The following GALNT17 variants were observed in gnomAD, a reference collection of about 807,000 sequenced individuals.
GALNT17 encodes the protein UDP-GalNAc:polypeptide N-acetylgalactosaminyltransferase-like 3.
GALNT17 carries 29 observed loss-of-function variants against 63.7 expected under a neutral mutation model. That is an observed-to-expected ratio of 0.46 (90% CI 0.34 to 0.62). GALNT17 has a LOEUF of 0.62. GALNT17 is among the 20% of genes least tolerant of loss of function. The probability of loss-of-function intolerance (pLI) is 0.01; values close to 1 mark genes in which losing one functional copy is unlikely to be tolerated. For synonymous variants in GALNT17, 305 were observed against 318.3 expected (o/e 0.96, Z 0.45); for missense variants, 603 against 799.6 (o/e 0.75, Z 2.97).
At chr7:71,569,417 C>T (rs1354628954) in intron 5 of GALNT17, among the ~76,000 whole-genome samples, 1 of 152,154 alleles carries the variant, frequency 6.6e-6, no homozygotes, top group Non-Finnish European at 1.5e-5. Flanking sequence ...TTTTTCAACT[C>T]TCCCCTCTCC....
rs35082867 is a variant in GALNT17, at chr7:71,662,318, T to TTATCTATCTATCTATCTATC, written c.1081-3076_1081-3075insATCTATCTATCTATCTATCT. Among the ~76,000 whole-genome samples, 967 of 151,048 alleles carry TTATCTATCTATCTATCTATC rather than the reference T, an allele frequency of 6.4e-3. 17 individuals are homozygous for TTATCTATCTATCTATCTATC. Among genetic ancestry groups the TTATCTATCTATCTATCTATC allele is most frequent in the Admixed American group, 0.038 (575 of 15,118 alleles). ...AATCTACTTTCCCCCATCTCTCTGT[T>TTATCTATCTATCTATCTATC]TATCTATCTATCTATCTGTCTGTCT... On this transcript the variant is annotated intron_variant, in intron 6 of 10. Coordinates refer to ENST00000333538, the MANE Select transcript of GALNT17 (RefSeq NM_022479.3).
At chr7:71,628,896 CA>C (rs1584100217) in intron 6 of GALNT17, among the ~76,000 whole-genome samples, 12 of 152,172 alleles carry the variant, frequency 7.9e-5, no homozygotes, top group Admixed American at 5.9e-4. Flanking sequence ...CGTGCCACTG[CA>C]CCTCAGCCTG....
At chr7:71,563,659 G>T (rs1789292525) in intron 5 of GALNT17, among the ~76,000 whole-genome samples, 1 of 151,888 alleles carries the variant, frequency 6.6e-6, no homozygotes, top group African/African-American at 2.4e-5. Context: ...TGCAATTGCA[G>T]CCTCAACCTC....
At chr7:71,642,943 A>G (rs958808806) in intron 6 of GALNT17, among the ~76,000 whole-genome samples, 1 of 152,208 alleles carries the variant, frequency 6.6e-6, no homozygotes, top group Non-Finnish European at 1.5e-5. Context: ...CGGAAAATGT[A>G]TGAAGAACAG....
chr7:71,355,850 G>C (rs1792274810), intron 2 of GALNT17, among the ~76,000 whole-genome samples: 1 of 152,012 alleles, frequency 6.6e-6, no homozygotes, highest in Non-Finnish European at 1.5e-5. Context: ...TTTTACAACT[G>C]TTCCCCTGAG....
chr7:71,572,260 C>T (rs1026332447), intron 6 of GALNT17, among the ~76,000 whole-genome samples: 5 of 148,996 alleles, frequency 3.4e-5, no homozygotes, highest in South Asian at 2.2e-4. Context: ...CCAGGGACTT[C>T]GGAAACCAAA....
intron 3 of GALNT17, among the ~76,000 whole-genome samples, chr7:71,402,429 C>T (rs553735135): frequency 6.6e-6 from 1 of 152,352 alleles, no homozygotes; most frequent in Admixed American, 6.5e-5. Context: ...TTCAATTGCA[C>T]ATGTGCAGAG....
intron 1 of GALNT17, among the ~76,000 whole-genome samples, chr7:71,142,665 G>A (rs1279255558): frequency 6.6e-6 from 1 of 152,232 alleles, no homozygotes; most frequent in Admixed American, 6.5e-5. Context: ...GACTGGCTGG[G>A]TGCGGTGGCT....
chr7:71,693,309 C>CTGT (rs1791489196), intron 9 of GALNT17, among the ~76,000 whole-genome samples: 1 of 124,166 alleles, frequency 8.1e-6, no homozygotes, highest in African/African-American at 2.9e-5. Context: ...CACACACACA[C>CTGT]ATATATATAT....
intron 8 of GALNT17, among the ~76,000 whole-genome samples, chr7:71,671,535 G>C (rs1342628347): frequency 6.6e-6 from 1 of 152,156 alleles, no homozygotes; most frequent in Non-Finnish European, 1.5e-5. Context: ...ATCTTGCAAG[G>C]GCAGTCTCTA....
intron 6 of GALNT17, among the ~76,000 whole-genome samples, chr7:71,583,751 A>G (rs1319325092): frequency 1.4e-3 from 3 of 2,194 alleles, no homozygotes; most frequent in Admixed American, 0.015. Flanking sequence ...ACACACACAC[A>G]CACACACACC....
intron 1 of GALNT17, among the ~76,000 whole-genome samples, chr7:71,296,602 C>T (rs528935527): frequency 6.8e-6 from 1 of 147,482 alleles, no homozygotes; most frequent in Non-Finnish European, 1.5e-5. Flanking sequence ...GGCAACAGAG[C>T]GAGACTCCAT....
chr7:71,318,061 A>G (rs549512142), intron 1 of GALNT17, among the ~76,000 whole-genome samples: 153 of 152,028 alleles, frequency 1.0e-3, no homozygotes, highest in African/African-American at 3.5e-3. Flanking sequence ...AGCTGGGACC[A>G]CGCCCGACTA....
At chr7:71,711,835 T>C (rs918905962) in intron 10 of GALNT17, among the ~76,000 whole-genome samples, 183 bp from the exon 11 acceptor site, 2 of 151,510 alleles carry the variant, frequency 1.3e-5, no homozygotes, top group Admixed American at 6.6e-5. Context: ...CTTCCCTCTT[T>C]TTCTCTCTCT....
chr7:71,461,327 C>T (rs927240260), intron 5 of GALNT17, among the ~76,000 whole-genome samples: 8 of 152,114 alleles, frequency 5.3e-5, no homozygotes, highest in Admixed American at 1.3e-4. Flanking sequence ...AAGGAAAAGT[C>T]GGAAGGAGAA....
intron 9 of GALNT17, among the ~76,000 whole-genome samples, chr7:71,683,900 C>T (rs1488927419): frequency 1.3e-5 from 2 of 151,140 alleles, no homozygotes; most frequent in African/African-American, 4.9e-5. Context: ...CCCAGCTACT[C>T]CGGGAGGCTG....
At chr7:71,243,651 C>A (rs187221958) in intron 1 of GALNT17, among the ~76,000 whole-genome samples, 10 of 152,092 alleles carry the variant, frequency 6.6e-5, no homozygotes, top group African/African-American at 2.2e-4. Flanking sequence ...GTGACCCCCC[C>A]ATCTTGGCCT....
intron 2 of GALNT17, among the ~76,000 whole-genome samples, chr7:71,374,974 G>A (rs1792694322): frequency 6.6e-6 from 1 of 151,704 alleles, no homozygotes; most frequent in African/African-American, 2.4e-5. Context: ...TGAGTAGCTG[G>A]GATTACAGGC....
chr7:71,406,737 G>T (rs917472293), intron 3 of GALNT17, among the ~76,000 whole-genome samples: 5 of 144,298 alleles, frequency 3.5e-5, no homozygotes, highest in Admixed American at 1.4e-4. Context: ...TTTCCAGGTG[G>T]TTTTTTTTTT....
Sources: allele counts gnomAD v4.1 joint callset (sites outside exome capture counted in the v4.1 genomes callset), GRCh38; gene constraint gnomAD v4.1.1; transcripts MANE v1.5; gene names NCBI Gene and HGNC (gene_info 2026-07-23, HGNC 2026-07-21).